The following CNTN5 variants were observed in gnomAD, a reference collection of about 807,000 sequenced individuals.
The protein encoded by CNTN5 is contactin-5.
Under a neutral mutation model 129.1 loss-of-function variants are expected in CNTN5, and 77 were observed. That is an observed-to-expected ratio of 0.60 (90% confidence interval 0.50 to 0.72). CNTN5 has a LOEUF of 0.72. Among genes scored for constraint, CNTN5 ranks in the 30% least tolerant of loss-of-function variants. The pLI, the probability that CNTN5 is intolerant of heterozygous loss-of-function variation, is 0.00. For synonymous variants in CNTN5, 509 were observed against 465.6 expected (o/e 1.09, Z -1.20); for missense variants, 1,478 against 1,328.8 (o/e 1.11, Z -1.75).
chr11:99,761,081 T>G (rs1944563624), intron 3 of CNTN5, among the ~76,000 whole-genome samples: 1 of 152,122 alleles, frequency 6.6e-6, no homozygotes, highest in African/African-American at 2.4e-5. Context: ...ATATTCTCAG[T>G]GAACGTTCCT....
At chr11:100,064,143 T>C (rs1161017865) in intron 10 of CNTN5, among the ~76,000 whole-genome samples, 3 of 152,220 alleles carry the variant, frequency 2.0e-5, no homozygotes, top group Admixed American at 1.3e-4. Flanking sequence ...ATTGGGATTC[T>C]ATCTGTTAGA....
chr11:99,738,511 G>T (rs1943782012), intron 3 of CNTN5, among the ~76,000 whole-genome samples: 1 of 152,116 alleles, frequency 6.6e-6, no homozygotes, highest in South Asian at 2.1e-4. Flanking sequence ...TTCAGGATAA[G>T]TTGGAATTTA....
chr11:99,454,754 A>G (rs1432913338), intron 2 of CNTN5, among the ~76,000 whole-genome samples: 1 of 152,208 alleles, frequency 6.6e-6, no homozygotes, highest in African/African-American at 2.4e-5. Context: ...CTGTGTAGAA[A>G]TACCTGATAA....
At chr11:100,355,206 T>C (rs553924996) in intron 24 of CNTN5, among the ~76,000 whole-genome samples, 22 of 151,948 alleles carry the variant, frequency 1.4e-4, no homozygotes, top group Non-Finnish European at 2.7e-4. Flanking sequence ...TTATTTTATT[T>C]TGTTTGCTTT....
intron 1 of CNTN5, among the ~76,000 whole-genome samples, chr11:99,251,018 A>G (rs1372253285): frequency 2.6e-5 from 4 of 151,948 alleles, no homozygotes; most frequent in African/African-American, 4.8e-5. Context: ...ACTTTCTAAA[A>G]TTAACATTTT....
At chr11:99,070,227 G>A (rs907154318) in intron 1 of CNTN5, among the ~76,000 whole-genome samples, 1 of 152,090 alleles carries the variant, frequency 6.6e-6, no homozygotes, top group Non-Finnish European at 1.5e-5. Context: ...ACTGAGTGAC[G>A]AGAGAAGATC....
intron 1 of CNTN5, among the ~76,000 whole-genome samples, chr11:99,199,611 G>T (rs1340641971): frequency 6.6e-6 from 1 of 152,056 alleles, no homozygotes; most frequent in Non-Finnish European, 1.5e-5. Context: ...ATTCCTCTAG[G>T]ACCAGCAGAC....
chr11:99,924,321 G>A (rs1950011732), intron 7 of CNTN5, among the ~76,000 whole-genome samples: 1 of 151,882 alleles, frequency 6.6e-6, no homozygotes, highest in Non-Finnish European at 1.5e-5. Flanking sequence ...TTTTGCCTAG[G>A]CCAATGTCTA....
At chr11:99,850,842 A>G (rs1422543789) in intron 6 of CNTN5, among the ~76,000 whole-genome samples, 1 of 152,096 alleles carries the variant, frequency 6.6e-6, no homozygotes, top group African/African-American at 2.4e-5. Context: ...AAAGAAACAA[A>G]TCTACTCTTG....
chr11:99,036,515 C>T (rs912671505), intron 1 of CNTN5, among the ~76,000 whole-genome samples: 1 of 152,004 alleles, frequency 6.6e-6, no homozygotes, highest in African/African-American at 2.4e-5. Context: ...AATTATCTAT[C>T]AATTTATTTC....
intron 15 of CNTN5, among the ~76,000 whole-genome samples, chr11:100,197,613 C>T (rs1565335320): frequency 6.6e-6 from 1 of 152,072 alleles, no homozygotes; most frequent in East Asian, 1.9e-4. Context: ...TGAGCATTGC[C>T]ATGTGGCCCC....
intron 3 of CNTN5, among the ~76,000 whole-genome samples, chr11:99,813,274 T>A (rs2135527015): frequency 6.6e-6 from 1 of 152,296 alleles, no homozygotes; most frequent in South Asian, 2.1e-4. Flanking sequence ...TCAATATTTC[T>A]ATTTCACTGA....
chr11:100,256,930 C>T (rs888304344), intron 17 of CNTN5, among the ~76,000 whole-genome samples: 1 of 152,008 alleles, frequency 6.6e-6, no homozygotes, highest in African/African-American at 2.4e-5. Flanking sequence ...CCTAGCTGTG[C>T]CTGGAATGCC....
chr11:99,267,291 T>A (rs1862948441), intron 1 of CNTN5, among the ~76,000 whole-genome samples: 1 of 152,082 alleles, frequency 6.6e-6, no homozygotes, highest in South Asian at 2.1e-4. Flanking sequence ...CACGTGAGTT[T>A]GTTAGTTTTT....
chr11:99,851,217 C>A (rs1947863989), intron 6 of CNTN5, among the ~76,000 whole-genome samples: 1 of 152,000 alleles, frequency 6.6e-6, no homozygotes, highest in African/African-American at 2.4e-5. Flanking sequence ...ATTAATAAAC[C>A]TAACCCTCAC....
chr11:99,681,240 A>C (rs1256728449), intron 3 of CNTN5, among the ~76,000 whole-genome samples: 1 of 152,074 alleles, frequency 6.6e-6, no homozygotes, highest in African/African-American at 2.4e-5. Flanking sequence ...TTAGTTAATA[A>C]AGCAGTGGTA....
chr11:100,283,265 G>C (rs778716148), intron 18 of CNTN5, among the ~76,000 whole-genome samples: 2 of 152,134 alleles, frequency 1.3e-5, no homozygotes, highest in Non-Finnish European at 2.9e-5. Context: ...ACTATGACCA[G>C]TGCCCTATTC....
intron 2 of CNTN5, among the ~76,000 whole-genome samples, chr11:99,407,251 G>C (rs971242905): frequency 1.3e-5 from 2 of 152,086 alleles, no homozygotes; most frequent in African/African-American, 4.8e-5. Flanking sequence ...AGGGCCCAAG[G>C]GCTCTTCAGT....
intron 3 of CNTN5, among the ~76,000 whole-genome samples, chr11:99,750,887 C>A (rs184312595): frequency 2.0e-5 from 3 of 152,300 alleles, no homozygotes; most frequent in Admixed American, 1.3e-4. Context: ...GTTTCTGCTT[C>A]TAGTGGTGTG....
Sources: allele counts gnomAD v4.1 joint callset (sites outside exome capture counted in the v4.1 genomes callset), GRCh38; gene constraint gnomAD v4.1.1; transcripts MANE v1.5; gene names NCBI Gene and HGNC (gene_info 2026-07-23, HGNC 2026-07-21).